ENTREP2: variants seen among roughly 807,000 people sequenced by gnomAD.
ENTREP2 encodes the protein protein ENTREP2.
the ENTREP2 span, among the ~76,000 whole-genome samples, chr15:29,312,867 T>C: frequency 1.3e-5 from 2 of 152,154 alleles, no homozygotes; most frequent in African/African-American, 4.8e-5. Context: ...TTAAGCTTAG[T>C]GAGGAAGGCA....
the ENTREP2 span, among the ~76,000 whole-genome samples, chr15:29,377,823 A>AAACAATAATAAT: frequency 8.8e-6 from 1 of 113,018 alleles, no homozygotes; most frequent in Non-Finnish European, 1.7e-5. Flanking sequence ...TCTGTCTCAA[A>AAACAATAATAAT]AATAATAATA....
the ENTREP2 span, among the ~76,000 whole-genome samples, chr15:29,472,855 A>T: frequency 1.3e-5 from 2 of 152,212 alleles, no homozygotes; most frequent in African/African-American, 4.8e-5. Flanking sequence ...CCATTTTTTA[A>T]AGATTTTAGG....
chr15:29,243,707 A>G, the ENTREP2 span, among the ~76,000 whole-genome samples: 5 of 152,228 alleles, frequency 3.3e-5, no homozygotes, highest in African/African-American at 1.2e-4. Context: ...CTGTAAAAGA[A>G]TATTATCTGT....
At chr15:29,265,335 C>T in the ENTREP2 span, 1 of 152,134 alleles carries the variant, frequency 6.6e-6, no homozygotes, top group Non-Finnish European at 1.5e-5. Flanking sequence ...AGAAGACAGG[C>T]ATATGATGCT....
chr15:29,532,928 T>C, the ENTREP2 span, among the ~76,000 whole-genome samples: 10 of 152,226 alleles, frequency 6.6e-5, no homozygotes, highest in Non-Finnish European at 1.3e-4. Flanking sequence ...GACTCTCAAC[T>C]ATCCAACTGA....
the ENTREP2 span, among the ~76,000 whole-genome samples, chr15:29,302,087 G>GT: frequency 9.2e-5 from 14 of 151,832 alleles, 1 homozygote; most frequent in African/African-American, 2.9e-4. Flanking sequence ...CCATTTCCCT[G>GT]TTTTTTTCAT....
At chr15:29,500,756 G>T in the ENTREP2 span, among the ~76,000 whole-genome samples, 1 of 151,932 alleles carries the variant, frequency 6.6e-6, no homozygotes, top group Admixed American at 6.6e-5. Context: ...AGAGATTGGA[G>T]CCAAACAGAG....
the ENTREP2 span, among the ~76,000 whole-genome samples, chr15:29,325,732 G>A: frequency 1.6e-4 from 24 of 152,170 alleles, no homozygotes; most frequent in African/African-American, 2.2e-4. Context: ...CAGAGGGAAC[G>A]CTTCCTAATT....
chr15:29,405,509 C>T, the ENTREP2 span, among the ~76,000 whole-genome samples: 3 of 152,176 alleles, frequency 2.0e-5, no homozygotes, highest in African/African-American at 2.4e-5. Context: ...AAGGTCCCTG[C>T]CTACCCTTCC....
chr15:29,657,845 CT>C, the ENTREP2 span, among the ~76,000 whole-genome samples: 2 of 152,000 alleles, frequency 1.3e-5, no homozygotes, highest in African/African-American at 4.8e-5. Flanking sequence ...GTATGAAATA[CT>C]ATCTATAGTG....
At chr15:29,612,402 A>C in the ENTREP2 span, among the ~76,000 whole-genome samples, 3 of 152,046 alleles carry the variant, frequency 2.0e-5, no homozygotes, top group Non-Finnish European at 4.4e-5. Flanking sequence ...TTCTTGTTGC[A>C]ACATCCCAGC....
the ENTREP2 span, among the ~76,000 whole-genome samples, chr15:29,568,394 GAACT>G: frequency 6.6e-6 from 1 of 152,156 alleles, no homozygotes; most frequent in African/African-American, 2.4e-5. Context: ...TAGGAAGCTA[GAACT>G]AACAGGTTAT....
At chr15:29,163,227 T>C in the ENTREP2 span, among the ~76,000 whole-genome samples, 138 of 152,230 alleles carry the variant, frequency 9.1e-4, 3 homozygotes, top group East Asian at 0.026. Flanking sequence ...ACAAAACCAA[T>C]GCTGGTAATA....
chr15:29,136,084 C>T, the ENTREP2 span, among the ~76,000 whole-genome samples: 1 of 152,270 alleles, frequency 6.6e-6, no homozygotes, highest in Non-Finnish European at 1.5e-5. Flanking sequence ...AGCACCAGCA[C>T]TGGGTTCCCC....
At chr15:29,279,363 A>C in the ENTREP2 span, among the ~76,000 whole-genome samples, 14 of 150,640 alleles carry the variant, frequency 9.3e-5, 1 homozygote, top group South Asian at 2.9e-3. Flanking sequence ...GCTAAAATTT[A>C]GTTGGGATTT....
chr15:29,549,317 T>C, the ENTREP2 span, among the ~76,000 whole-genome samples: 51 of 151,616 alleles, frequency 3.4e-4, no homozygotes, highest in Non-Finnish European at 4.9e-4. Context: ...TAGCCCAGGC[T>C]GGAGTGCAGT....
At chr15:29,159,022 A>G in the ENTREP2 span, among the ~76,000 whole-genome samples, 1 of 152,208 alleles carries the variant, frequency 6.6e-6, no homozygotes, top group Non-Finnish European at 1.5e-5. Flanking sequence ...AAAACATTAA[A>G]CAGTTCAGGA....
the ENTREP2 span, among the ~76,000 whole-genome samples, chr15:29,324,578 C>T: frequency 6.6e-6 from 1 of 152,066 alleles, no homozygotes; most frequent in African/African-American, 2.4e-5. Context: ...TTATAGTGTG[C>T]TATGCTAATC....
chr15:29,464,049 C>T, the ENTREP2 span, among the ~76,000 whole-genome samples: 1 of 151,788 alleles, frequency 6.6e-6, no homozygotes, highest in East Asian at 1.9e-4. Context: ...TTCCAGGGGC[C>T]GGGGAGAAGG....
Sources: allele counts gnomAD v4.1 joint callset (sites outside exome capture counted in the v4.1 genomes callset), GRCh38; gene constraint gnomAD v4.1.1; transcripts MANE v1.5; gene names NCBI Gene and HGNC (gene_info 2026-07-23, HGNC 2026-07-21).